The following DDAH1 variants were observed in gnomAD, a reference collection of about 807,000 sequenced individuals.
DDAH1 encodes N(G),N(G)-dimethylarginine dimethylaminohydrolase 1.
DDAH1 carries 19 observed loss-of-function variants against 28.8 expected under a neutral mutation model. The observed-to-expected ratio is 0.66, with a 90% CI of 0.46 to 0.97. The LOEUF (loss-of-function observed/expected upper bound fraction) is 0.97. Ranked by LOEUF, DDAH1 falls within the 50% of genes least tolerant of loss-of-function variation. DDAH1 has a pLI of 0.00. For missense variants in DDAH1, 326 were observed against 375.9 expected (o/e 0.87, Z 1.10); for synonymous variants, 153 against 154.4 (o/e 0.99, Z 0.07).
At chr1:85,368,540 T>C (rs1650196697) in intron 1 of DDAH1, among the ~76,000 whole-genome samples, 1 of 152,196 alleles carries the variant, frequency 6.6e-6, no homozygotes, top group Non-Finnish European at 1.5e-5. Context: ...TCTCTTGATA[T>C]ATAATGTACT....
At chr1:85,363,159 CACATCTTCGTTCTAAA>C (rs1649881770) in intron 1 of DDAH1, among the ~76,000 whole-genome samples, 1 of 152,164 alleles carries the variant, frequency 6.6e-6, no homozygotes, top group Non-Finnish European at 1.5e-5. Flanking sequence ...TTGAATGTTT[CACATCTTCGTTCTAAA>C]TGTTGTGAAT....
intron 1 of DDAH1, among the ~76,000 whole-genome samples, chr1:85,550,052 G>A (rs1658739493): frequency 1.3e-5 from 2 of 152,168 alleles, no homozygotes; most frequent in African/African-American, 4.8e-5. Context: ...TCCTCAGCAT[G>A]TCTGGTATAG....
chr1:85,407,079 A>G (rs1271647294), intron 1 of DDAH1, among the ~76,000 whole-genome samples: 2 of 152,092 alleles, frequency 1.3e-5, no homozygotes, highest in African/African-American at 4.8e-5. Context: ...CATTTCCTCC[A>G]CACACATATT....
intron 4 of DDAH1, among the ~76,000 whole-genome samples, chr1:85,347,257 C>T (rs534147036): frequency 2.5e-4 from 38 of 152,292 alleles, no homozygotes; most frequent in African/African-American, 8.9e-4. Context: ...CCAGCCATCC[C>T]GTTACTGAGT....
Position 85,440,764 on chromosome 1 carries a change from A to G in DDAH1, c.303+23979T>C, listed in dbSNP as rs147146346. 3.1e-3 allele frequency among the ~76,000 whole-genome samples: 472 copies of G among 151,714 alleles called. 2 individuals are homozygous for G. The highest frequency in any genetic ancestry group is 3.8e-3 in the Non-Finnish European group (261 of 67,874). ...TGATTTTACTGTCTAGACACCATCA[A>G]CCCCCTTAACACTACCTTCTCTGTC... On this transcript the variant is annotated intron_variant, in intron 1 of 5. Transcript: ENST00000284031.
At chr1:85,494,114 A>C (rs1264257815) in intron 2 of DDAH1, 1 of 152,190 alleles carries the variant, frequency 6.6e-6, no homozygotes, top group African/African-American at 2.4e-5. Flanking sequence ...GAATATGAGG[A>C]AGCATCTTTG....
rs568385717 is a variant in DDAH1, at chr1:85,497,967, C to T, written c.-122-1686G>A. ...ATTACTGACAATTCAAATATAATTA[C>T]CAGCATCTCTCTGGGTGAACTAACC... On this transcript the variant is annotated intron_variant, in intron 1 of 6. Transcript: ENST00000426972. 2.0e-5 allele frequency among the ~76,000 whole-genome samples: 3 copies of T among 152,314 alleles called. No individual in the cohort carries two copies. The South Asian group carries it at 6.2e-4, about 32-fold the overall frequency.
intron 1 of DDAH1, among the ~76,000 whole-genome samples, chr1:85,517,901 A>AT (rs749318841): frequency 2.0e-5 from 3 of 152,064 alleles, no homozygotes; most frequent in South Asian, 4.2e-4. Flanking sequence ...TGCTACATTA[A>AT]TTTTTTAAAA....
intron 1 of DDAH1, among the ~76,000 whole-genome samples, chr1:85,441,454 T>C (rs554100144): frequency 1.1e-4 from 17 of 151,780 alleles, no homozygotes; most frequent in African/African-American, 4.1e-4. Context: ...GGTAGGAAAA[T>C]CACCAGAACC....
Position 85,320,365 on chromosome 1 carries a change from T to C in DDAH1, c.*1087A>G, listed in dbSNP as rs900733446. 6.6e-6 allele frequency: 1 copy of C among 152,668 alleles called. No individual in the cohort carries two copies. Among genetic ancestry groups the C allele is most frequent in the African/African-American group, 2.4e-5 (1 of 41,460 alleles). The allele number at this position is 152,668 out of a possible 1,614,324, so 9.5% of individuals were successfully genotyped here. On this transcript the variant is annotated 3_prime_UTR_variant, in exon 6 of 6. Transcript: ENST00000284031. ...AACATGTTCATTGACCATGAGGAGC[T>C]GTTTACTCTGGCTCATATTAGACTA...
chr1:85,558,222 C>T (rs948100232), intron 1 of DDAH1, among the ~76,000 whole-genome samples: 2 of 152,134 alleles, frequency 1.3e-5, no homozygotes, highest in African/African-American at 4.8e-5. Context: ...ATTAGCTGGG[C>T]CTGATGGCGG....
chr1:85,386,691 C>T (rs1221206363), intron 1 of DDAH1, among the ~76,000 whole-genome samples: 1 of 152,098 alleles, frequency 6.6e-6, no homozygotes. Context: ...TAAGCAATAC[C>T]CCAGTGGGGA....
At chr1:85,342,473 A>C (rs1192197550) in intron 4 of DDAH1, among the ~76,000 whole-genome samples, 1 of 151,976 alleles carries the variant, frequency 6.6e-6, no homozygotes, top group Non-Finnish European at 1.5e-5. Context: ...AGAAAATGAT[A>C]ACATTAGTGA....
At chr1:85,501,725 A>G (rs1656827757) in intron 1 of DDAH1, among the ~76,000 whole-genome samples, 1 of 152,204 alleles carries the variant, frequency 6.6e-6, no homozygotes, top group African/African-American at 2.4e-5. Context: ...CCCAGGGATC[A>G]AAGTTCAACA....
chr1:85,524,352 G>T (rs1348183155), intron 1 of DDAH1, among the ~76,000 whole-genome samples: 7 of 147,912 alleles, frequency 4.7e-5, no homozygotes, highest in Admixed American at 4.1e-4. Flanking sequence ...CTTCATGGAA[G>T]TGGAGGCGTT....
chr1:85,451,854 C>T (rs1243522660), intron 1 of DDAH1, among the ~76,000 whole-genome samples: 1 of 152,070 alleles, frequency 6.6e-6, no homozygotes, highest in Non-Finnish European at 1.5e-5. Flanking sequence ...ATGTACTAGG[C>T]TTTCATATGG....
intron 1 of DDAH1, among the ~76,000 whole-genome samples, chr1:85,566,136 C>A (rs1289051842): frequency 1.1e-4 from 17 of 150,270 alleles, no homozygotes; most frequent in East Asian, 9.8e-4. Flanking sequence ...TATAGTTCAT[C>A]AGCCAATAAA....
At chr1:85,445,310 G>T (rs1056798000) in intron 1 of DDAH1, among the ~76,000 whole-genome samples, 3 of 152,010 alleles carry the variant, frequency 2.0e-5, no homozygotes, top group Non-Finnish European at 4.4e-5. Flanking sequence ...CAAGGAGGAG[G>T]GGCATCTGAA....
chr1:85,405,633 TA>T (rs11394406), intron 1 of DDAH1, among the ~76,000 whole-genome samples: 2 of 148,906 alleles, frequency 1.3e-5, no homozygotes, highest in South Asian at 2.1e-4. Context: ...AAAAGTGCCC[TA>T]AAAAAAAAAG....
Sources: allele counts gnomAD v4.1 joint callset (sites outside exome capture counted in the v4.1 genomes callset), GRCh38; gene constraint gnomAD v4.1.1; transcripts MANE v1.5; gene names NCBI Gene and HGNC (gene_info 2026-07-23, HGNC 2026-07-21).